Variants in SV2B observed in about 807,000 individuals in gnomAD.
SV2B encodes solute carrier family 22 member B2.
Under a neutral mutation model 73.9 loss-of-function variants are expected in SV2B, and 41 were observed. The ratio of observed to expected loss-of-function variants is 0.56; its 90% CI spans 0.43 to 0.72. SV2B has a LOEUF of 0.72. Among genes scored for constraint, SV2B ranks in the 30% least tolerant of loss-of-function variants. The probability of loss-of-function intolerance (pLI) is 0.00; values close to 1 mark genes in which losing one functional copy is unlikely to be tolerated. For missense variants in SV2B, 764 were observed against 857.8 expected, an observed-to-expected ratio of 0.89 and a Z score of 1.37; for synonymous variants, 314 against 314.2, an observed-to-expected ratio of 1.00 and a Z score of 0.01.
Position 91,229,493 on chromosome 15 carries a change from C to G in SV2B, c.451+2779C>G, listed in dbSNP as rs1159213843. On this transcript the variant is annotated intron_variant, in intron 2 of 12. Transcript: ENST00000394232. The surrounding 1 kb of genome is among the most constrained non-coding windows in gnomAD (Gnocchi z 4.3). ...CTATAGCTGCAGTGAGATGACGAAG[C>G]AACGTGGCCCTGGAGCCAGTTGCTT... Among the ~76,000 whole-genome samples the G allele has an allele frequency of 1.3e-5, 2 of 152,168 alleles. No homozygotes were observed. Among genetic ancestry groups the G allele is most frequent in the Non-Finnish European group, 1.5e-5 (1 of 68,034 alleles).
chr15:91,278,040 C>G (rs2048550649), intron 9 of SV2B, among the ~76,000 whole-genome samples: 1 of 152,136 alleles, frequency 6.6e-6, no homozygotes, highest in African/African-American at 2.4e-5. Flanking sequence ...TGTCCTTACG[C>G]TATTTGGTTG....
chr15:91,182,191 A>G (rs923799332), intron 1 of SV2B, among the ~76,000 whole-genome samples: 2 of 152,164 alleles, frequency 1.3e-5, no homozygotes, highest in African/African-American at 4.8e-5. Flanking sequence ...TTTTCCTATG[A>G]TTAATTTAAA....
rs1300475235 is a variant in SV2B, at chr15:91,276,419, A to T, written c.1374-5309A>T. On this transcript the variant is annotated intron_variant, in intron 9 of 12. Coordinates refer to ENST00000394232, the MANE Select transcript of SV2B (RefSeq NM_001323032.3). ...TTTCCAAATACTTCTTCTTTCTCTT[A>T]TCTTTCTTGAATTCCAATTGCACCT... Among the ~76,000 whole-genome samples the T allele has an allele frequency of 2.0e-5, 3 of 151,868 alleles. No individual in the cohort carries two copies. In the East Asian group the frequency reaches 5.8e-4, roughly 29 times the overall value.
intron 1 of SV2B, among the ~76,000 whole-genome samples, chr15:91,108,553 C>T (rs1402637838): frequency 6.6e-6 from 1 of 152,206 alleles, no homozygotes; most frequent in Non-Finnish European, 1.5e-5. Flanking sequence ...ATAAATGCTG[C>T]TGTGTTTTCT....
chr15:91,128,891 C>A lies in SV2B; in HGVS notation c.-392+28528C>A, dbSNP rs1424808259. 6.6e-6 allele frequency: 1 copy of A among 152,248 alleles called. No homozygotes were observed. Among genetic ancestry groups the A allele is most frequent in the Non-Finnish European group, 1.5e-5 (1 of 68,056 alleles). The allele number at this position is 152,248 out of a possible 1,614,324, so 9.4% of individuals were successfully genotyped here. ...TCCAATCATATTTCTCCATGGCTGT[C>A]TATACTTTGTTGAACCCATGCATAA... On this transcript the variant is annotated intron_variant, in intron 1 of 12. Coordinates refer to ENST00000394232, the MANE Select transcript of SV2B (RefSeq NM_001323032.3). This position sits in a 1 kb window ranked among gnomAD's most constrained non-coding sequence, Gnocchi z 4.2.
At chr15:91,218,330 T>G (rs1334658897) in intron 1 of SV2B, among the ~76,000 whole-genome samples, 2 of 152,106 alleles carry the variant, frequency 1.3e-5, no homozygotes, top group Non-Finnish European at 2.9e-5. Context: ...GGGTATAGGG[T>G]GGGCACTTCT....
chr15:91,198,946 A>G (rs1216706690), intron 1 of SV2B, among the ~76,000 whole-genome samples: 1 of 152,232 alleles, frequency 6.6e-6, no homozygotes, highest in Non-Finnish European at 1.5e-5. Flanking sequence ...TTGAAATTCG[A>G]AACAGCATAT....
At chr15:91,126,251 G>C (rs941528445) in intron 1 of SV2B, among the ~76,000 whole-genome samples, 2 of 152,244 alleles carry the variant, frequency 1.3e-5, no homozygotes, top group Admixed American at 1.3e-4. Flanking sequence ...ACCCAGAGCA[G>C]TGACTCATCT....
chr15:91,238,274 G>A lies in SV2B; in HGVS notation c.451+11560G>A, dbSNP rs570900292. On this transcript the variant is annotated intron_variant, in intron 2 of 12. Coordinates refer to ENST00000394232, the MANE Select transcript of SV2B (RefSeq NM_001323032.3). ...TAAGCTCTTTCTTTGCATCCATTTT[G>A]TACTAGGTATCTTACATTATACCAT... 2.6e-5 allele frequency among the ~76,000 whole-genome samples: 4 copies of A among 152,058 alleles called. No individual in the cohort carries two copies. The South Asian group carries it at 8.3e-4, about 32-fold the overall frequency.
chr15:91,207,958 T>A (rs143604412), intron 1 of SV2B, among the ~76,000 whole-genome samples: 232 of 152,318 alleles, frequency 1.5e-3, no homozygotes, highest in African/African-American at 5.4e-3. Context: ...TCCCAGGTTT[T>A]ATCGCCTGCA....
At chr15:91,291,984 G>C (rs1371271852) in intron 12 of SV2B, among the ~76,000 whole-genome samples, 2 of 152,096 alleles carry the variant, frequency 1.3e-5, no homozygotes, top group East Asian at 3.9e-4. Flanking sequence ...GGAGGGTTGA[G>C]AGTGTTAAAA....
chr15:91,155,982 A>G (rs896904998), intron 1 of SV2B, among the ~76,000 whole-genome samples: 1 of 152,044 alleles, frequency 6.6e-6, no homozygotes, highest in Admixed American at 6.6e-5. Context: ...GGGCCCAGAC[A>G]TTGATATTCT....
At chr15:91,275,127 T>C (rs2048441612) in intron 9 of SV2B, among the ~76,000 whole-genome samples, 11 of 152,206 alleles carry the variant, frequency 7.2e-5, no homozygotes, top group Admixed American at 6.5e-4. Context: ...TTTATACTTA[T>C]TGTAATTATT....
chr15:91,254,662 C>T (rs954815614), intron 4 of SV2B, among the ~76,000 whole-genome samples: 3 of 152,128 alleles, frequency 2.0e-5, no homozygotes, highest in African/African-American at 4.8e-5. Context: ...ATCTTTTCAG[C>T]CTTGGTTCTT....
chr15:91,126,542 T>C (rs1434581025), intron 1 of SV2B, among the ~76,000 whole-genome samples: 3 of 152,198 alleles, frequency 2.0e-5, no homozygotes, highest in African/African-American at 7.2e-5. Context: ...TTGTTTCCTA[T>C]TGCTGCTGTA....
chr15:91,155,277 G>T (rs575147665), intron 1 of SV2B, among the ~76,000 whole-genome samples: 7 of 152,316 alleles, frequency 4.6e-5, no homozygotes, highest in African/African-American at 9.6e-5. Flanking sequence ...CTTTTCTGCA[G>T]AGTCAAGAGC....
At chr15:91,243,374 G>A (rs1417728710) in intron 2 of SV2B, among the ~76,000 whole-genome samples, 1 of 152,194 alleles carries the variant, frequency 6.6e-6, no homozygotes, top group Non-Finnish European at 1.5e-5. Context: ...GGTGGTATGT[G>A]AGCAAGGCAA....
rs1393636666 is a variant in SV2B, at chr15:91,132,328, G to A, written c.-392+31965G>A. On this transcript the variant is annotated intron_variant, in intron 1 of 12. Coordinates refer to ENST00000394232, the MANE Select transcript of SV2B (RefSeq NM_001323032.3). This position sits in a 1 kb window ranked among gnomAD's most constrained non-coding sequence, Gnocchi z 4.6. The stretch of plus-strand genomic sequence containing the variant: ...AGAAAGCAGCCAACCAGAGGCTGAA[G>A]TGAAGTTACAAAGGTCACACACCTG... Among the ~76,000 whole-genome samples the A allele has an allele frequency of 3.3e-5, 5 of 152,182 alleles. No homozygotes were observed. The highest frequency in any genetic ancestry group is 1.2e-4 in the African/African-American group (5 of 41,454).
rs1353118329 is a variant in SV2B, at chr15:91,123,775, G to A, written c.-392+23412G>A. ...CTATTCTGGGCGTGTCTTCACTGAA[G>A]GTCTCCAGAGAGGAGCAAGGAGAGA... On this transcript the variant is annotated intron_variant, in intron 1 of 12. Transcript: ENST00000394232. The surrounding 1 kb of genome is among the most constrained non-coding windows in gnomAD (Gnocchi z 4.7). Among the ~76,000 whole-genome samples, 6 of 152,144 alleles carry A rather than the reference G, an allele frequency of 3.9e-5. No individual in the cohort carries two copies. Among genetic ancestry groups the A allele is most frequent in the African/African-American group, 1.4e-4 (6 of 41,426 alleles).
Sources: gnomAD v4.1 joint callset for allele counts (sites outside exome capture counted in the v4.1 genomes callset) on GRCh38, gnomAD v4.1.1 for gene constraint, Gnocchi (gnomAD v3.1) non-coding constraint, MANE v1.5 for transcripts, NCBI Gene and HGNC (gene_info 2026-07-23, HGNC 2026-07-21) for gene names.